The following RAPH1 variants were observed in gnomAD, a reference collection of about 807,000 sequenced individuals.
The protein encoded by RAPH1 is Ras association (RalGDS/AF-6) and pleckstrin homology domains 1.
In RAPH1, 18 loss-of-function variants were observed where a neutral mutation model predicts 88.1. That is an observed-to-expected ratio of 0.20 (90% CI 0.14 to 0.30). The LOEUF is 0.30. RAPH1 is among the 10% of genes least tolerant of loss of function. RAPH1 has a pLI of 1.00. For missense variants in RAPH1, 1,448 were observed against 1,543.2 expected (o/e 0.94, Z 1.03); for synonymous variants, 587 against 559.0 (o/e 1.05, Z -0.71).
intron 4 of RAPH1, among the ~76,000 whole-genome samples, chr2:203,471,686 CA>C (rs1047695011): frequency 2.0e-5 from 3 of 151,842 alleles, no homozygotes; most frequent in Admixed American, 1.3e-4. Context: ...TTACAGAAGA[CA>C]ATATAATCTT....
intron 4 of RAPH1, among the ~76,000 whole-genome samples, chr2:203,487,327 T>G (rs1688015560): frequency 6.6e-6 from 1 of 152,114 alleles, no homozygotes; most frequent in Non-Finnish European, 1.5e-5. Flanking sequence ...TGATACATAT[T>G]AAGTAGCTGG....
At chr2:203,517,547 C>A (rs932998411) in intron 1 of RAPH1, among the ~76,000 whole-genome samples, 2 of 151,950 alleles carry the variant, frequency 1.3e-5, no homozygotes, top group African/African-American at 4.8e-5. Flanking sequence ...CTAATTCATC[C>A]AAGAACAGAA....
intron 8 of RAPH1, among the ~76,000 whole-genome samples, chr2:203,457,214 A>T: frequency 6.6e-6 from 1 of 151,784 alleles, no homozygotes; most frequent in East Asian, 2.0e-4. Flanking sequence ...ATTGAGACAG[A>T]GTCTCACCCT....
chr2:203,506,746 A>ATATATCTATATC (rs1553630373), intron 1 of RAPH1, among the ~76,000 whole-genome samples: 1 of 118,866 alleles, frequency 8.4e-6, no homozygotes, highest in African/African-American at 4.2e-5. Flanking sequence ...ATATATCTAT[A>ATATATCTATATC]TATATATATA....
Position 203,439,480 on chromosome 2 carries a change from G to A in RAPH1, c.3710C>T (p.Pro1237Leu). The A allele has an allele frequency of 6.2e-7, 1 of 1,613,998 alleles. No homozygotes were observed. Among genetic ancestry groups the A allele is most frequent in the African/African-American group, 1.3e-5 (1 of 75,028 alleles). Reference protein sequence around the residue: ...ATLRRGPPPAPPKRDQNTKLS... With the variant: ...ATLRRGPPPALPKRDQNTKLS... ...CTTGGTGTTCTGGTCTCTTTTGGGG[G>A]GAGCAGGAGGGGGTCCTCTCCGCAA... Residue 1237 changes from proline (P) to leucine (L), a missense_variant, in exon 14 of 14, where the codon CCC (proline) becomes CTC (leucine). Around this residue, in one of 2 missense-constraint regions of RAPH1, gnomAD observed 935 missense variants for 890.1 expected, o/e 1.05. Transcript: ENST00000319170.
rs753251292 is a variant in RAPH1 at position 203,491,306 on chromosome 2, T to C, written c.134A>G (p.Asp45Gly). ...LDKLTQSLDS[D>G]KPMEPVKRSP... Reference sequence around the variant, plus strand: ...TCTTTTTACTGGTTCCATGGGCTTGTCAGAATCCAAACTCTTTATAAAAAG... The same window carrying C: ...TCTTTTTACTGGTTCCATGGGCTTGCCAGAATCCAAACTCTTTATAAAAAG... The change falls in exon 3 of 14, where the codon GAC becomes GGC. Residue 45 changes from aspartate (D) to glycine (G), a missense_variant. Physicochemically the swap from Asp to Gly is moderately conservative, Grantham distance 94. This residue lies in a region of RAPH1 where 513 missense variants were observed against 653.1 expected (regional missense o/e 0.79). Transcript: ENST00000319170. The C allele has an allele frequency of 1.2e-6, 2 of 1,610,192 alleles. No individual in the cohort carries two copies. Among genetic ancestry groups the C allele is most frequent in the South Asian group, 2.2e-5 (2 of 90,156 alleles).
chr2:203,490,055 A>G lies in RAPH1; in HGVS notation c.261T>C (p.Asp87=), dbSNP rs1008343384. ...TAGAGCAAAGATCAGCCATCAAGGC[A>G]TCCAGATCCACAGTCTCTCCCTGAT... is the stretch of plus-strand genomic sequence containing the variant. ...ALNQGETVDL[D]ALMADLCSIE... The change falls in exon 4 of 14, where the codon GAT becomes GAC. Residue 87 remains aspartate (D), a synonymous_variant. Transcript: ENST00000319170. The G allele has an allele frequency of 1.9e-6, 3 of 1,613,216 alleles. No individual in the cohort carries two copies. Among genetic ancestry groups the G allele is most frequent in the Non-Finnish European group, 2.5e-6 (3 of 1,179,340 alleles).
At position 203,440,326 on chromosome 2, in the gene RAPH1, G is replaced by C; in HGVS notation, c.2864C>G (p.Ser955Cys). The C allele has an allele frequency of 6.2e-7, 1 of 1,612,288 alleles. No homozygotes were observed. The highest frequency in any genetic ancestry group is 8.5e-7 in the Non-Finnish European group (1 of 1,179,068). Residue 955 changes from serine (S) to cysteine (C), a missense_variant, in exon 14 of 14, where the codon TCT becomes TGT. Coordinates refer to ENST00000319170, the MANE Select transcript of RAPH1 (RefSeq NM_213589.3). ...TASPTPDKSG[S>C]PGKKTSKTSS... Reference sequence around the variant, plus strand: ...CGTCTTACTGGTCTTTTTGCCTGGAGATCCACTTTTGTCAGGGGTAGGAGA... The same window carrying C: ...CGTCTTACTGGTCTTTTTGCCTGGACATCCACTTTTGTCAGGGGTAGGAGA...
In RAPH1 at chr2:203,477,185, A is replaced by G. The variant is rs747416781; in HGVS notation, c.732+12399T>C. The G allele has an allele frequency of 3.8e-6, 6 of 1,578,834 alleles. No individual in the cohort carries two copies. The East Asian group carries it at 9.0e-5, about 24-fold the overall frequency. On this transcript the variant is annotated intron_variant, in intron 4 of 13. Coordinates refer to ENST00000319170, the MANE Select transcript of RAPH1 (RefSeq NM_213589.3). Reference sequence around the variant, plus strand: ...TGAAAATGCAGTAAGGAAGAAAATGATAGGTAAAGGAGGTGAAACGGGCAG... The same window carrying G: ...TGAAAATGCAGTAAGGAAGAAAATGGTAGGTAAAGGAGGTGAAACGGGCAG...
intron 1 of RAPH1, among the ~76,000 whole-genome samples, chr2:203,509,109 C>T (rs1176713419): frequency 1.5e-5 from 2 of 136,576 alleles, no homozygotes; most frequent in East Asian, 4.5e-4. Context: ...GTCGCTCTGT[C>T]ACTCAGGCTG....
intron 1 of RAPH1, among the ~76,000 whole-genome samples, chr2:203,526,919 G>C (rs961771185): frequency 2.0e-4 from 30 of 151,784 alleles, no homozygotes; most frequent in African/African-American, 7.3e-4. Context: ...GAGTAGCTGG[G>C]ATTACAGGCA....
At chr2:203,522,699 C>T (rs540573927) in intron 1 of RAPH1, among the ~76,000 whole-genome samples, 2 of 151,718 alleles carry the variant, frequency 1.3e-5, no homozygotes, top group African/African-American at 4.8e-5. Flanking sequence ...GTCAGGAGTT[C>T]GAGACCAGCC....
chr2:203,435,341 G>C lies in RAPH1; in HGVS notation c.*4096C>G, dbSNP rs1384763056. ...TGGCCAGGAGTTTGAGACCAGCCTG[G>C]GCAACACAGTGAGACCCCCATCTCT... On this transcript the variant is annotated 3_prime_UTR_variant, in exon 14 of 14. Transcript: ENST00000319170. 1.3e-5 allele frequency: 2 copies of C among 149,758 alleles called. No homozygotes were observed. Among genetic ancestry groups the C allele is most frequent in the East Asian group, 3.9e-4 (2 of 5,132 alleles). 9.3% of individuals were successfully genotyped at this position (149,758 alleles called of 1,614,324 possible).
chr2:203,467,482 C>T (rs973273345), intron 4 of RAPH1, among the ~76,000 whole-genome samples: 3 of 151,814 alleles, frequency 2.0e-5, no homozygotes, highest in Non-Finnish European at 4.4e-5. Flanking sequence ...GCCTGTAATC[C>T]CAGCTACTCA....
At chr2:203,489,069 C>T (rs775982421) in intron 4 of RAPH1, among the ~76,000 whole-genome samples, 6 of 149,782 alleles carry the variant, frequency 4.0e-5, no homozygotes, top group African/African-American at 7.4e-5. Flanking sequence ...GAGGTTGCAG[C>T]GAGCTGAGAT....
At chr2:203,478,939 T>C (rs1436565489) in intron 4 of RAPH1, among the ~76,000 whole-genome samples, 1 of 152,248 alleles carries the variant, frequency 6.6e-6, no homozygotes, top group African/African-American at 2.4e-5. Flanking sequence ...TTTCCCTGTG[T>C]ATTTTCTCAT....
At chr2:203,495,451 AGTC>A in intron 1 of RAPH1, 98 bp from the exon 2 acceptor site, 2 of 1,189,824 alleles carry the variant, frequency 1.7e-6, no homozygotes, top group South Asian at 3.5e-5. Flanking sequence ...ATGCCTCTGA[AGTC>A]AAATCTTCAA....
rs200102825 is a variant in RAPH1 at position 203,461,962 on chromosome 2, G to C, written c.733-37C>G. On this transcript the variant is annotated intron_variant, in intron 4 of 13. Transcript: ENST00000319170. ...AAGCATTTCAGATAAACAATGCTAA[G>C]ATGATGAAATATTTGAGAAATCTTT... 9.3e-5 allele frequency: 143 copies of C among 1,533,970 alleles called. 1 individual carries two copies. The East Asian group carries it at 2.8e-3, about 31-fold the overall frequency.
intron 1 of RAPH1, among the ~76,000 whole-genome samples, chr2:203,531,401 TA>T (rs34572980): frequency 0.14 from 20,982 of 147,322 alleles, 3,282 homozygotes; most frequent in African/African-American, 0.39. Flanking sequence ...ACTTGAAGTA[TA>T]AAAAAAAAAA....
Sources: allele counts gnomAD v4.1 joint callset (sites outside exome capture counted in the v4.1 genomes callset), GRCh38; gene constraint gnomAD v4.1.1; regional missense constraint gnomAD v4.1.1; transcripts MANE v1.5; gene names NCBI Gene and HGNC (gene_info 2026-07-23, HGNC 2026-07-21).